Variants in GSK3A observed in about 807,000 individuals in gnomAD.
GSK3A encodes the protein glycogen synthase kinase 3 alpha.
In GSK3A, 14 loss-of-function variants were observed where a neutral mutation model predicts 56.6. That is an observed-to-expected ratio of 0.25 (90% confidence interval 0.16 to 0.39). The LOEUF (loss-of-function observed/expected upper bound fraction) is 0.39, where lower values mean the gene tolerates loss of function less well. Ranked by LOEUF, GSK3A falls within the 10% of genes least tolerant of loss-of-function variation. The probability of loss-of-function intolerance (pLI) is 1.00; values close to 1 mark genes in which losing one functional copy is unlikely to be tolerated. For missense variants in GSK3A, 450 were observed against 656.0 expected (o/e 0.69, Z 3.43); for synonymous variants, 301 against 285.0 (o/e 1.06, Z -0.56).
chr19:42,242,263 C>T lies in GSK3A; in HGVS notation c.203G>A (p.Gly68Glu), dbSNP rs1028285710. 13 of 1,435,904 alleles carry T rather than the reference C, an allele frequency of 9.1e-6. No individual in the cohort carries two copies. Among genetic ancestry groups the T allele is most frequent in the Non-Finnish European group, 1.1e-5 (12 of 1,100,108 alleles). 88.9% of individuals were successfully genotyped at this position (1,435,904 alleles called of 1,614,324 possible). The change falls in exon 1 of 11, where the codon GGA (glycine) becomes GAA (glutamate). Residue 68 changes from glycine to glutamate, a missense_variant. Gly to Glu is a moderately conservative substitution (Grantham distance 98). Transcript: ENST00000222330. The stretch of plus-strand genomic sequence containing the variant: ...GCCTCCTCCGCCGCTGCCGCCGGGT[C>T]CACCCCCGGAGCTCGAGGCCCCGAC... ...GGVGASSSGG[G>E]PGGSGGGGSG...
Position 42,234,664 on chromosome 19 carries a change from C to T in GSK3A, c.681G>A (p.Gln227=), listed in dbSNP as rs781244052. ...PILYVKVYMY[Q]LFRSLAYIHS... ...GGATGTAGGCCAAGCTGCGGAAGAG[C>T]TGGTACATGTACACCTGCGGCGGGC... Residue 227 remains glutamine (Q), a synonymous_variant, in exon 5 of 11, where the codon CAG becomes CAA. Coordinates refer to ENST00000222330, the MANE Select transcript of GSK3A (RefSeq NM_019884.3). This position sits in a 1 kb window ranked among gnomAD's most constrained non-coding sequence, Gnocchi z 5.7. 3 of 1,606,304 alleles carry T rather than the reference C, an allele frequency of 1.9e-6. No homozygotes were observed. Among genetic ancestry groups the T allele is most frequent in the Admixed American group, 1.7e-5 (1 of 58,790 alleles).
intron 1 of GSK3A, 185 bp from the exon 2 acceptor site, chr19:42,240,327 G>A (rs990384116): frequency 1.0e-4 from 64 of 618,824 alleles, no homozygotes; most frequent in Non-Finnish European, 2.9e-5. Flanking sequence ...CTTCCTTTCT[G>A]GGAATCTTAA....
intron 2 of GSK3A, among the ~76,000 whole-genome samples, chr19:42,238,489 CCCAGCTACTA>C (rs2036271705): frequency 6.6e-6 from 1 of 151,558 alleles, no homozygotes; most frequent in Non-Finnish European, 1.5e-5. Flanking sequence ...CGCCTGTAGT[CCCAGCTACTA>C]GGGAGGCTGA....
In GSK3A at chr19:42,242,200, G is replaced by C. The variant is rs772910426; in HGVS notation, c.266C>G (p.Pro89Arg). 2 of 1,436,038 alleles carry C rather than the reference G, an allele frequency of 1.4e-6. No individual in the cohort carries two copies. Among genetic ancestry groups the C allele is most frequent in the Non-Finnish European group, 1.8e-6 (2 of 1,098,950 alleles). 89.0% of individuals were successfully genotyped at this position (1,436,038 alleles called of 1,614,324 possible). ...GPGAGTSFPPPGVKLGRDSGK... is the reference protein window; with the variant it reads ...GPGAGTSFPPRGVKLGRDSGK... The stretch of plus-strand genomic sequence containing the variant: ...GTACTCACGGCCCAGCTTCACCCCG[G>C]GCGGCGGGAAGCTAGTGCCTGCGCC... Residue 89 changes from proline to arginine, a missense_variant, in exon 1 of 11, where the codon CCC (proline) becomes CGC (arginine). Physicochemically the swap from Pro to Arg is moderately radical, Grantham distance 103. Transcript: ENST00000222330.
chr19:42,239,830 CCT>C, intron 2 of GSK3A, 123 bp downstream of exon 2: 1 of 729,054 alleles, frequency 1.4e-6, no homozygotes, highest in East Asian at 2.7e-5. Flanking sequence ...GGTCTCATTT[CCT>C]CTTTTCCCCC....
intron 9 of GSK3A, 137 bp downstream of exon 9, chr19:42,232,359 G>T: frequency 1.3e-6 from 1 of 789,708 alleles, no homozygotes; most frequent in Non-Finnish European, 2.1e-6. Context: ...GAATCTGGGA[G>T]TCATCTTTCC....
chr19:42,232,417 C>T, intron 9 of GSK3A, 79 bp downstream of exon 9: 1 of 1,364,276 alleles, frequency 7.3e-7, no homozygotes, highest in Non-Finnish European at 1.0e-6. Context: ...CCCACTCCTG[C>T]TTCAACACCA....
chr19:42,236,541 G>T (rs1599811724), intron 4 of GSK3A, 65 bp downstream of exon 4: 1 of 956,376 alleles, frequency 1.0e-6, no homozygotes, highest in East Asian at 2.4e-5. Context: ...TCCCATAAAA[G>T]GCAGGAGGCT....
chr19:42,232,933 T>C (rs2036233616), intron 8 of GSK3A, 177 bp downstream of exon 8: 2 of 597,428 alleles, frequency 3.3e-6, no homozygotes, highest in Non-Finnish European at 2.9e-6. Flanking sequence ...AATTTACTTG[T>C]GGGTTCTCAA....
At chr19:42,231,178 G>A (rs980622499) in intron 10 of GSK3A, among the ~76,000 whole-genome samples, 1 of 152,022 alleles carries the variant, frequency 6.6e-6, no homozygotes, top group African/African-American at 2.4e-5. Flanking sequence ...TGGCCAACAT[G>A]GTGAAACTCC....
At chr19:42,240,997 T>G (rs1407656159) in intron 1 of GSK3A, 3 of 151,932 alleles carry the variant, frequency 2.0e-5, no homozygotes, top group Non-Finnish European at 4.4e-5. Flanking sequence ...CAAATCCATT[T>G]TTTTGTTTTT....
intron 3 of GSK3A, 43 bp downstream of exon 3, chr19:42,236,814 GA>G: frequency 6.5e-7 from 1 of 1,529,120 alleles, no homozygotes; most frequent in Non-Finnish European, 9.1e-7. Flanking sequence ...AGGCAGGCAG[GA>G]AAATGGCTGG....
chr19:42,236,465 G>T (rs183587690), intron 4 of GSK3A, 141 bp downstream of exon 4: 9 of 667,210 alleles, frequency 1.3e-5, no homozygotes, highest in South Asian at 1.3e-4. Flanking sequence ...ATCTCGGGGG[G>T]TTATGGGAAC....
rs551551267 is a variant in GSK3A at position 42,232,486 on chromosome 19, A to G, written c.1285+10T>C. The stretch of plus-strand genomic sequence containing the variant: ...CGCCCCACTCCCCAGATCCCAGGCT[A>G]TGCCCTCACCACCAGCACTGAAGTT... On this transcript the variant is annotated intron_variant, in intron 9 of 10. Transcript: ENST00000222330. The G allele has an allele frequency of 3.1e-6, 5 of 1,613,514 alleles. No homozygotes were observed. The South Asian group carries it at 4.4e-5, about 14-fold the overall frequency.
chr19:42,242,064 G>T, intron 1 of GSK3A, 119 bp downstream of exon 1: 1 of 870,590 alleles, frequency 1.1e-6, no homozygotes, highest in Non-Finnish European at 1.5e-6. Flanking sequence ...TCGGATCCCC[G>T]GTATGGGGAG....
chr19:42,238,606 CAAAAA>C (rs769150560), intron 2 of GSK3A, among the ~76,000 whole-genome samples: 7 of 33,150 alleles, frequency 2.1e-4, no homozygotes, highest in African/African-American at 3.4e-4. Flanking sequence ...GACTCCGTCT[CAAAAA>C]AAAAAAAAAA....
At position 42,234,005 on chromosome 19, in the gene GSK3A, G is replaced by A. The variant is rs549468025; in HGVS notation, c.904+348C>T. 1.4e-4 allele frequency among the ~76,000 whole-genome samples: 22 copies of A among 152,254 alleles called. No homozygotes were observed. Among genetic ancestry groups the A allele is most frequent in the African/African-American group, 5.1e-4 (21 of 41,556 alleles). On this transcript the variant is annotated intron_variant, in intron 6 of 10. Coordinates refer to ENST00000222330, the MANE Select transcript of GSK3A (RefSeq NM_019884.3). The surrounding 1 kb of genome is among the most constrained non-coding windows in gnomAD (Gnocchi z 5.7). Reference sequence around the variant, plus strand: ...TGGGAGCAAGTTGCACCTTCATGGTGGCAAAGCCTTGCTTCCCGGTTCCCC... The same window carrying A: ...TGGGAGCAAGTTGCACCTTCATGGTAGCAAAGCCTTGCTTCCCGGTTCCCC...
At position 42,232,505 on chromosome 19, in the gene GSK3A, T is replaced by C. The variant is rs2036230636; in HGVS notation, c.1276A>G (p.Ser426Gly). 1 of 1,613,872 alleles carries C rather than the reference T, an allele frequency of 6.2e-7. No individual in the cohort carries two copies. Among genetic ancestry groups the C allele is most frequent in the Non-Finnish European group, 8.5e-7 (1 of 1,179,944 alleles). The change falls in exon 9 of 11, where the codon AGT (serine) becomes GGT (glycine). Residue 426 changes from serine to glycine, a missense_variant. Ser to Gly is a moderately conservative substitution (Grantham distance 56). This residue lies in a region of GSK3A where 113 missense variants were observed against 147.5 expected (regional missense o/e 0.77). Transcript: ENST00000222330. ...CAGGCTATGCCCTCACCACCAGCAC[T>C]GAAGTTGAAGAGAGGGGGAAGTGGG... ...NRPLPPLFNF[S>G]AGELSIQPSL...
At chr19:42,242,082 G>A in intron 1 of GSK3A, 101 bp downstream of exon 1, 9 of 1,058,834 alleles carry the variant, frequency 8.5e-6, no homozygotes, top group Non-Finnish European at 9.7e-6. Flanking sequence ...GAGGCACAGT[G>A]ACCTCGAGCT....
Sources: gnomAD v4.1 joint callset for allele counts (sites outside exome capture counted in the v4.1 genomes callset) on GRCh38, gnomAD v4.1.1 for gene constraint, gnomAD v4.1.1 regional missense constraint, Gnocchi (gnomAD v3.1) non-coding constraint, MANE v1.5 for transcripts, NCBI Gene and HGNC (gene_info 2026-07-23, HGNC 2026-07-21) for gene names.